CRB1: variants seen among roughly 807,000 people sequenced by gnomAD.
CRB1 encodes crumbs cell polarity complex component 1.
A neutral mutation model predicts 120.0 loss-of-function variants in CRB1; 83 were observed. That is an observed-to-expected ratio of 0.69 (90% CI 0.58 to 0.83). CRB1 has a LOEUF of 0.83. CRB1 is among the 40% of genes least tolerant of loss of function. The probability of loss-of-function intolerance (pLI) is 0.00; values close to 1 mark genes in which losing one functional copy is unlikely to be tolerated. For synonymous variants in CRB1, 625 were observed against 612.5 expected (o/e 1.02, Z -0.30); for missense variants, 1,699 against 1,687.6 (o/e 1.01, Z -0.12).
chr1:197,430,176 T>C (rs556744145), intron 8 of CRB1, among the ~76,000 whole-genome samples: 3 of 152,306 alleles, frequency 2.0e-5, no homozygotes, highest in Non-Finnish European at 2.9e-5. Flanking sequence ...CAAAAAACAA[T>C]TTTCCAAATG....
chr1:197,337,800 T>C (rs1412763548), intron 2 of CRB1, among the ~76,000 whole-genome samples: 1 of 152,134 alleles, frequency 6.6e-6, no homozygotes, highest in Non-Finnish European at 1.5e-5. Flanking sequence ...GCCACACTTA[T>C]AAATTTAAAG....
At chr1:197,350,423 A>T (rs1287998305) in intron 4 of CRB1, among the ~76,000 whole-genome samples, 1 of 152,220 alleles carries the variant, frequency 6.6e-6, no homozygotes, top group African/African-American at 2.4e-5. Flanking sequence ...CTATACCATG[A>T]GGTGGAAATT....
rs140149936 is a variant in CRB1, at chr1:197,398,892, TTGTGTGTG to T, written c.1172-22072_1172-22065del. On this transcript the variant is annotated intron_variant, in intron 5 of 11. Coordinates refer to ENST00000367400, the MANE Select transcript of CRB1 (RefSeq NM_201253.3). ...GCCAGGAGCTGGGGTCAGGAAATGA[TTGTGTGTG>T]TGTGTGTGTGTGTGTGTGTGTGTGT... Among the ~76,000 whole-genome samples, 1,024 of 136,384 alleles carry T rather than the reference TTGTGTGTG, an allele frequency of 7.5e-3. 5 individuals are homozygous for T. Among genetic ancestry groups the T allele is most frequent in the Non-Finnish European group, 9.5e-3 (602 of 63,378 alleles). 89.5% of individuals were successfully genotyped at this position (136,384 alleles called of 152,430 possible).
intron 2 of CRB1, among the ~76,000 whole-genome samples, chr1:197,333,986 T>C (rs1426746660): frequency 1.3e-5 from 2 of 152,246 alleles, no homozygotes; most frequent in African/African-American, 4.8e-5. Context: ...CATTAAAAGT[T>C]TAACTGGCAT....
chr1:197,243,368 G>A, the CRB1 span, among the ~76,000 whole-genome samples: 1 of 152,084 alleles, frequency 6.6e-6, no homozygotes, highest in Non-Finnish European at 1.5e-5. Context: ...AGAGATTCTG[G>A]TATGTTGTGT....
Position 197,341,965 on chromosome 1 carries a change from G to C in CRB1, c.653-2316G>C, listed in dbSNP as rs1284206147. Among the ~76,000 whole-genome samples, 3 of 152,206 alleles carry C rather than the reference G, an allele frequency of 2.0e-5. No homozygotes were observed. In the South Asian group the frequency reaches 6.2e-4, roughly 32 times the overall value. ...GAAAAAGCATTCCAGACAGAGATCA[G>C]TGTATACAAAAACTTTGAGTGGTAG... On this transcript the variant is annotated intron_variant, in intron 2 of 11. Transcript: ENST00000367400.
intron 1 of CRB1, among the ~76,000 whole-genome samples, chr1:197,310,635 A>G (rs1657459320): frequency 2.0e-5 from 3 of 152,212 alleles, no homozygotes; most frequent in Non-Finnish European, 1.5e-5. Flanking sequence ...ATACATATCT[A>G]TATCTATATA....
At position 197,268,364 on chromosome 1, in the gene CRB1, G is replaced by A. The variant is rs1172624105; in HGVS notation, c.-49G>A. On this transcript the variant is annotated 5_prime_UTR_variant, in exon 1 of 12. Transcript: ENST00000367400. ...ACAGACAGGGATCAGGAGCCGGACT[G>A]GGACCAGACCACCAGCAACACACCA... is the stretch of plus-strand genomic sequence containing the variant. 7.1e-7 allele frequency: 1 copy of A among 1,405,650 alleles called. No individual in the cohort carries two copies. Among genetic ancestry groups the A allele is most frequent in the African/African-American group, 1.4e-5 (1 of 70,646 alleles). The allele number at this position is 1,405,650 out of a possible 1,614,324, so 87.1% of individuals were successfully genotyped here.
At chr1:197,427,034 A>G (rs1664619036) in intron 6 of CRB1, among the ~76,000 whole-genome samples, 1 of 152,184 alleles carries the variant, frequency 6.6e-6, no homozygotes, top group Non-Finnish European at 1.5e-5. Context: ...TGCACAGTCC[A>G]CTTGCAGAGG....
chr1:197,427,888 G>A lies in CRB1; in HGVS notation c.2563G>A (p.Val855Ile), dbSNP rs557930078. ...ATTCTTCAAAGGCTGTATCCAAGAT[G>A]TAAGACTAAACAACCAAAATCTGGA... ...GGFFKGCIQD[V>I]RLNNQNLEFF... Residue 855 changes from valine (V) to isoleucine (I), a missense_variant, in exon 7 of 12, where the codon GTA becomes ATA. Physicochemically the swap from Val to Ile is conservative, Grantham distance 29 (BLOSUM62 3). Transcript: ENST00000367400. The A allele has an allele frequency of 6.8e-5, 110 of 1,613,996 alleles. No individual in the cohort carries two copies. In the South Asian group the frequency reaches 1.1e-3, roughly 16 times the overall value.
At chr1:197,290,487 TCA>T (rs1489374046) in intron 1 of CRB1, among the ~76,000 whole-genome samples, 1 of 151,542 alleles carries the variant, frequency 6.6e-6, no homozygotes, top group Non-Finnish European at 1.5e-5. Context: ...CCTGAACAGC[TCA>T]GTTTCACATC....
At chr1:197,475,272 A>G (rs1334527525) in intron 11 of CRB1, among the ~76,000 whole-genome samples, 1 of 152,112 alleles carries the variant, frequency 6.6e-6, no homozygotes, top group Non-Finnish European at 1.5e-5. Flanking sequence ...TTCTTCCTAC[A>G]CAAACCTCAT....
At chr1:197,314,007 GCTAAGATTTGCTAAAAACCTGA>G (rs1345964213) in intron 1 of CRB1, among the ~76,000 whole-genome samples, 1 of 152,178 alleles carries the variant, frequency 6.6e-6, no homozygotes, top group Non-Finnish European at 1.5e-5. Flanking sequence ...AAAACGCCTG[GCTAAGATTTGCTAAAAACCTGA>G]CTAAGATTTG....
At chr1:197,333,864 A>G (rs778097989) in intron 2 of CRB1, among the ~76,000 whole-genome samples, 1 of 152,256 alleles carries the variant, frequency 6.6e-6, no homozygotes, top group African/African-American at 2.4e-5. Context: ...GAAAGGAAAG[A>G]GAAAGTATAA....
At chr1:197,214,521 A>G in the CRB1 span, among the ~76,000 whole-genome samples, 1 of 152,172 alleles carries the variant, frequency 6.6e-6, no homozygotes, top group African/African-American at 2.4e-5. Context: ...ACCCCTGTGG[A>G]TCCTGAGGGA....
intron 5 of CRB1, among the ~76,000 whole-genome samples, chr1:197,375,170 T>G (rs1661579914): frequency 6.6e-6 from 1 of 152,200 alleles, no homozygotes; most frequent in South Asian, 2.1e-4. Context: ...TATAAAGGAA[T>G]GAGTTAGCCT....
chr1:197,223,495 G>A, the CRB1 span, among the ~76,000 whole-genome samples: 7 of 151,974 alleles, frequency 4.6e-5, no homozygotes, highest in South Asian at 8.3e-4. Flanking sequence ...TTAATAACAC[G>A]ATTTCATTCC....
Position 197,344,585 on chromosome 1 carries a change from T to A in CRB1, c.848+109T>A, listed in dbSNP as rs1328282616. 13 of 1,009,498 alleles carry A rather than the reference T, an allele frequency of 1.3e-5. No homozygotes were observed. In the African/African-American group the frequency reaches 2.1e-4, roughly 16 times the overall value. The allele number at this position is 1,009,498 out of a possible 1,614,324, so 62.5% of individuals were successfully genotyped here. ...CACGTTCTCGGCTTAAAATTTGGGG[T>A]GTAACTTTATACTTTAACTGATGAA... is the stretch of plus-strand genomic sequence containing the variant. On this transcript the variant is annotated intron_variant, in intron 3 of 11. Transcript: ENST00000367400.
chr1:197,455,192 A>G lies in CRB1; in HGVS notation c.4005+12900A>G, dbSNP rs753347526. Among the ~76,000 whole-genome samples the G allele has an allele frequency of 2.6e-5, 4 of 152,304 alleles. No homozygotes were observed. The South Asian group carries it at 6.2e-4, about 24-fold the overall frequency. On this transcript the variant is annotated intron_variant, in intron 11 of 11. Coordinates refer to ENST00000367400, the MANE Select transcript of CRB1 (RefSeq NM_201253.3). The stretch of plus-strand genomic sequence containing the variant: ...AGTTATTACCCACCCAGGAGAATGC[A>G]TTATGTTTTACTTGATTCTCTTTAA...
Sources: gnomAD v4.1 joint callset for allele counts (sites outside exome capture counted in the v4.1 genomes callset) on GRCh38, gnomAD v4.1.1 for gene constraint, MANE v1.5 for transcripts, NCBI Gene and HGNC (gene_info 2026-07-23, HGNC 2026-07-21) for gene names.